Variants in BCCIP observed in about 807,000 individuals in gnomAD.
The protein encoded by BCCIP is BRCA2 and CDKN1A-interacting protein.
In BCCIP, 23 loss-of-function variants were observed where a neutral mutation model predicts 32.8. The observed-to-expected ratio is 0.70, with a 90% CI of 0.51 to 0.99. The LOEUF (loss-of-function observed/expected upper bound fraction) is 0.99. Among genes scored for constraint, BCCIP ranks in the 50% least tolerant of loss-of-function variants. The probability of loss-of-function intolerance (pLI) is 0.00; values close to 1 mark genes in which losing one functional copy is unlikely to be tolerated. For missense variants in BCCIP, 378 were observed against 379.8 expected, an observed-to-expected ratio of 1.00 and a Z score of 0.04; for synonymous variants, 144 against 137.6, an observed-to-expected ratio of 1.05 and a Z score of -0.33.
At chr10:125,841,412 C>A, downstream of BCCIP, 1 of 1,598,838 alleles carries the variant, frequency 6.3e-7, no homozygotes, top group African/African-American at 1.3e-5. Context: ...AAAAAACAGG[C>A]ACACAACATT....
Position 125,834,703 on chromosome 10 carries a change from C to A in BCCIP, c.774+757C>A, listed in dbSNP as rs775358877. Among the ~76,000 whole-genome samples, 10 of 151,596 alleles carry A rather than the reference C, an allele frequency of 6.6e-5. No individual in the cohort carries two copies. In the East Asian group the frequency reaches 1.7e-3, roughly 26 times the overall value. On this transcript the variant is annotated intron_variant, in intron 6 of 6. Coordinates refer to ENST00000278100, the MANE Select transcript of BCCIP (RefSeq NM_078468.3). ...GCAGATGCCTGTAATCCCAGCTACTCGGAAGGCTAAGGCAGGAAAATTGCT... is the reference window on the plus strand; with the variant it reads ...GCAGATGCCTGTAATCCCAGCTACTAGGAAGGCTAAGGCAGGAAAATTGCT...
intron 3 of BCCIP, among the ~76,000 whole-genome samples, chr10:125,830,120 GT>G (rs1185449698): frequency 2.0e-5 from 3 of 152,210 alleles, no homozygotes; most frequent in Non-Finnish European, 2.9e-5. Context: ...AAACTCATGA[GT>G]TTTAGATGAA....
Position 125,831,478 on chromosome 10 carries a change from G to C in BCCIP, c.470G>C (p.Cys157Ser). The change falls in exon 5 of 7, where the codon TGT (cysteine) becomes TCT (serine). Residue 157 changes from cysteine to serine, a missense_variant. Cys to Ser is a moderately radical substitution (Grantham distance 112, BLOSUM62 -1). Transcript: ENST00000278100. The stretch of plus-strand genomic sequence containing the variant: ...GTTCTACGCTTCTGTGAGAAGAACT[G>C]TGAAAAGAGCATGGTTGAACAGCTG... The part of the protein sequence containing the change: ...ELVLRFCEKN[C>S]EKSMVEQLDK... 6.2e-7 allele frequency: 1 copy of C among 1,614,172 alleles called. No individual in the cohort carries two copies. Among genetic ancestry groups the C allele is most frequent in the Non-Finnish European group, 8.5e-7 (1 of 1,180,008 alleles).
In BCCIP at chr10:125,836,535, T is replaced by C. The variant is rs529488671; in HGVS notation, c.*261T>C. 2.2e-5 allele frequency: 30 copies of C among 1,338,182 alleles called. No individual in the cohort carries two copies. In the South Asian group the frequency reaches 4.8e-4, roughly 21 times the overall value. The allele number at this position is 1,338,182 out of a possible 1,614,324, so 82.9% of individuals were successfully genotyped here. ...TAAAGAACTCAATAAAAACTTCTAT[T>C]TTTTATTTTAAAATAATATACACAG... On this transcript the variant is annotated 3_prime_UTR_variant, in exon 7 of 7. Coordinates refer to ENST00000278100, the MANE Select transcript of BCCIP (RefSeq NM_078468.3).
chr10:125,852,249 G>C (rs1944100273), intron 7 of BCCIP: 4 of 1,601,282 alleles, frequency 2.5e-6, no homozygotes, highest in Non-Finnish European at 1.7e-6. Flanking sequence ...AGGAGAAGGT[G>C]AATCTCAGCC....
chr10:125,836,503 A>C lies in BCCIP; in HGVS notation c.*229A>C, dbSNP rs7320. The C allele has an allele frequency of 0.42, 574,168 of 1,352,242 alleles. 123,895 individuals carry two copies. The highest frequency in any genetic ancestry group is 0.44 in the Non-Finnish European group (461,420 of 1,038,470). The allele number at this position is 1,352,242 out of a possible 1,614,324, so 83.8% of individuals were successfully genotyped here. On this transcript the variant is annotated 3_prime_UTR_variant, in exon 7 of 7. Transcript: ENST00000278100. Reference sequence around the variant, plus strand: ...TCCAAGAAGAAGAAAAGCATGGAGTAGTAATTTAAAGAACTCAATAAAAAC... The same window carrying C: ...TCCAAGAAGAAGAAAAGCATGGAGTCGTAATTTAAAGAACTCAATAAAAAC...
At chr10:125,830,674 T>C in intron 4 of BCCIP, 23 bp downstream of exon 4, 2 of 1,456,264 alleles carry the variant, frequency 1.4e-6, no homozygotes, top group Non-Finnish European at 1.9e-6. Flanking sequence ...GGATGGCATC[T>C]GAATGGTTAT....
At chr10:125,846,412 G>A (rs1447386971), downstream of BCCIP, among the ~76,000 whole-genome samples, 5 of 152,150 alleles carry the variant, frequency 3.3e-5, no homozygotes, top group Non-Finnish European at 7.3e-5. Flanking sequence ...AGTAGTTAAA[G>A]GACTTTATGT....
chr10:125,829,630 C>T (rs1564817886), intron 3 of BCCIP, among the ~76,000 whole-genome samples: 1 of 152,170 alleles, frequency 6.6e-6, no homozygotes. Context: ...ATATTAGTAA[C>T]TTTATGGCAC....
chr10:125,829,791 G>A (rs1030570574), intron 3 of BCCIP, among the ~76,000 whole-genome samples: 9 of 152,216 alleles, frequency 5.9e-5, no homozygotes, highest in East Asian at 3.8e-4. Context: ...AGGAGAAGCA[G>A]TTATTTTTAT....
At chr10:125,835,072 G>C (rs1435120923) in intron 6 of BCCIP, among the ~76,000 whole-genome samples, 3 of 151,834 alleles carry the variant, frequency 2.0e-5, no homozygotes, top group African/African-American at 7.3e-5. Flanking sequence ...GGCGGAGCTT[G>C]CAGTGAGCCG....
At chr10:125,830,460 T>G in intron 3 of BCCIP, 102 bp from the exon 4 acceptor site, 1 of 679,568 alleles carries the variant, frequency 1.5e-6, no homozygotes, top group South Asian at 3.3e-5. Flanking sequence ...GTTTTGCTTT[T>G]GAAAAGTGAA....
chr10:125,853,204 C>A (rs780514167), exon 8 of BCCIP: 7 of 1,612,232 alleles, frequency 4.3e-6, no homozygotes, highest in Non-Finnish European at 5.9e-6. Flanking sequence ...TAAGTGATTT[C>A]CAGGGAACCT....
At chr10:125,848,045 A>C (rs183743831) in intron 7 of BCCIP, among the ~76,000 whole-genome samples, 1 of 152,332 alleles carries the variant, frequency 6.6e-6, no homozygotes, top group East Asian at 1.9e-4. Flanking sequence ...CATTTACATA[A>C]ATGGACAGAG....
At chr10:125,843,073 G>C (rs1025310085), downstream of BCCIP, among the ~76,000 whole-genome samples, 4 of 151,894 alleles carry the variant, frequency 2.6e-5, no homozygotes, top group Non-Finnish European at 4.4e-5. Context: ...TCTGGTTCCT[G>C]GTATAGCAAT....
intron 6 of BCCIP, among the ~76,000 whole-genome samples, chr10:125,834,829 C>CAAACA (rs5788715): frequency 2.1e-4 from 31 of 149,210 alleles, no homozygotes; most frequent in South Asian, 4.3e-4. Context: ...AACAAACAAA[C>CAAACA]AAAAAACACA....
At chr10:125,848,980 T>C (rs1027754287) in intron 7 of BCCIP, among the ~76,000 whole-genome samples, 3 of 152,232 alleles carry the variant, frequency 2.0e-5, no homozygotes, top group Non-Finnish European at 4.4e-5. Flanking sequence ...CCTGGCAGCC[T>C]GGCCCAAGAG....
At chr10:125,836,730 C>A (rs199520716), downstream of BCCIP, 4 of 1,614,208 alleles carry the variant, frequency 2.5e-6, no homozygotes, top group East Asian at 8.9e-5. Flanking sequence ...GCACGTCTCA[C>A]ACATTTGCTG....
At chr10:125,839,087 C>G (rs763675474), downstream of BCCIP, 3 of 1,614,158 alleles carry the variant, frequency 1.9e-6, no homozygotes, top group Non-Finnish European at 1.7e-6. Context: ...TAGGGAAGCT[C>G]GATTCGCTTG....
Sources: gnomAD v4.1 joint callset for allele counts (sites outside exome capture counted in the v4.1 genomes callset) on GRCh38, gnomAD v4.1.1 for gene constraint, MANE v1.5 for transcripts, NCBI Gene and HGNC (gene_info 2026-07-23, HGNC 2026-07-21) for gene names.